UBE2E2: variants seen among roughly 807,000 people sequenced by gnomAD.
The protein encoded by UBE2E2 is ubiquitin-conjugating enzyme E2 E2.
Under a neutral mutation model 24.7 loss-of-function variants are expected in UBE2E2, and 6 were observed. The ratio of observed to expected loss-of-function variants is 0.24; its 90% CI spans 0.13 to 0.48. The LOEUF (loss-of-function observed/expected upper bound fraction) is 0.48, where lower values mean the gene tolerates loss of function less well. Ranked by LOEUF, UBE2E2 falls within the 20% of genes least tolerant of loss-of-function variation. The pLI is 0.99. For synonymous variants in UBE2E2, 104 were observed against 83.6 expected (o/e 1.24, Z -1.33); for missense variants, 169 against 245.0 (o/e 0.69, Z 2.07).
chr3:23,281,348 G>T (rs946072944), intron 3 of UBE2E2, among the ~76,000 whole-genome samples: 1 of 152,148 alleles, frequency 6.6e-6, no homozygotes, highest in Non-Finnish European at 1.5e-5. Flanking sequence ...AAGAAATAAC[G>T]TGGCTGGGCA....
chr3:23,223,335 G>T (rs1159628527), intron 3 of UBE2E2, among the ~76,000 whole-genome samples: 3 of 151,832 alleles, frequency 2.0e-5, no homozygotes, highest in African/African-American at 7.3e-5. Flanking sequence ...TGGGATTAGA[G>T]GCATGCACCA....
At chr3:23,556,959 G>A (rs527608043) in intron 5 of UBE2E2, among the ~76,000 whole-genome samples, 31 of 152,088 alleles carry the variant, frequency 2.0e-4, no homozygotes, top group Non-Finnish European at 4.1e-4. Context: ...TTTACCATAG[G>A]CTAATTGATC....
chr3:23,290,605 C>T (rs1372753832), intron 3 of UBE2E2, among the ~76,000 whole-genome samples: 1 of 151,852 alleles, frequency 6.6e-6, no homozygotes, highest in East Asian at 1.9e-4. Flanking sequence ...GGAGAACGTG[C>T]CCAGTTAAGG....
chr3:23,278,292 G>A (rs932044784), intron 3 of UBE2E2, among the ~76,000 whole-genome samples: 6 of 151,920 alleles, frequency 3.9e-5, no homozygotes, highest in Admixed American at 1.3e-4. Context: ...TAAGTACACC[G>A]TCATCTCTGA....
At chr3:23,381,953 C>T (rs1696680524) in intron 3 of UBE2E2, among the ~76,000 whole-genome samples, 1 of 152,142 alleles carries the variant, frequency 6.6e-6, no homozygotes, top group South Asian at 2.1e-4. Flanking sequence ...TCACAAAATT[C>T]TGTTAGTTGG....
intron 3 of UBE2E2, among the ~76,000 whole-genome samples, chr3:23,454,017 A>G (rs1053324187): frequency 6.6e-6 from 1 of 152,186 alleles, no homozygotes; most frequent in African/African-American, 2.4e-5. Context: ...ATTCTGAGAT[A>G]TTTGCATATT....
At chr3:23,507,716 G>A (rs1694488905) in intron 4 of UBE2E2, among the ~76,000 whole-genome samples, 1 of 152,094 alleles carries the variant, frequency 6.6e-6, no homozygotes, top group African/African-American at 2.4e-5. Flanking sequence ...ACTTGTTCCT[G>A]GATTATACAC....
At chr3:23,375,745 C>G (rs1696505234) in intron 3 of UBE2E2, among the ~76,000 whole-genome samples, 1 of 152,122 alleles carries the variant, frequency 6.6e-6, no homozygotes, top group African/African-American at 2.4e-5. Context: ...ATTAGGACAC[C>G]TTTGCTCTTG....
At chr3:23,507,349 GTTTA>G (rs1694480977) in intron 4 of UBE2E2, among the ~76,000 whole-genome samples, 1 of 152,058 alleles carries the variant, frequency 6.6e-6, no homozygotes, top group African/African-American at 2.4e-5. Context: ...ATATTTCTTT[GTTTA>G]TTTATTATGT....
At chr3:23,278,496 A>T (rs115761722) in intron 3 of UBE2E2, among the ~76,000 whole-genome samples, 201 of 152,276 alleles carry the variant, frequency 1.3e-3, no homozygotes, top group African/African-American at 4.4e-3. Flanking sequence ...AAGAGTAAAA[A>T]TATTACAGAT....
At chr3:23,408,474 G>A (rs1236942744) in intron 3 of UBE2E2, among the ~76,000 whole-genome samples, 1 of 152,176 alleles carries the variant, frequency 6.6e-6, no homozygotes, top group Non-Finnish European at 1.5e-5. Flanking sequence ...TCTCAGTAGA[G>A]AATGAGGAAT....
At chr3:23,375,092 C>T (rs998766310) in intron 3 of UBE2E2, among the ~76,000 whole-genome samples, 4 of 151,866 alleles carry the variant, frequency 2.6e-5, no homozygotes, top group African/African-American at 7.3e-5. Context: ...AAAAAAAAAT[C>T]AGAGAATGTG....
At chr3:23,459,501 A>G (rs928724454) in intron 3 of UBE2E2, among the ~76,000 whole-genome samples, 15 of 152,256 alleles carry the variant, frequency 9.9e-5, no homozygotes, top group African/African-American at 3.4e-4. Context: ...TAACAGGACC[A>G]TAATGTTTTT....
intron 5 of UBE2E2, among the ~76,000 whole-genome samples, chr3:23,561,760 T>C (rs1016455944): frequency 6.6e-6 from 1 of 152,210 alleles, no homozygotes; most frequent in African/African-American, 2.4e-5. Context: ...AGCAGTGGTT[T>C]GTGGTTCTCC....
intron 3 of UBE2E2, among the ~76,000 whole-genome samples, chr3:23,400,628 ACAC>A (rs1697200341): frequency 1.3e-5 from 2 of 151,754 alleles, no homozygotes; most frequent in African/African-American, 4.8e-5. Flanking sequence ...ACACACACAC[ACAC>A]ACACACACAC....
chr3:23,212,649 T>G (rs532872129), intron 2 of UBE2E2, among the ~76,000 whole-genome samples: 1 of 152,272 alleles, frequency 6.6e-6, no homozygotes, highest in East Asian at 1.9e-4. Flanking sequence ...TTGATTCCAC[T>G]GTATTCCAGT....
intron 2 of UBE2E2, among the ~76,000 whole-genome samples, chr3:23,216,773 C>T (rs961751373): frequency 2.0e-5 from 3 of 151,926 alleles, no homozygotes; most frequent in Non-Finnish European, 4.4e-5. Context: ...ACTTCAAAGT[C>T]CCAACCTGGT....
intron 3 of UBE2E2, among the ~76,000 whole-genome samples, chr3:23,422,744 C>G (rs1407176420): frequency 6.6e-6 from 1 of 152,188 alleles, no homozygotes; most frequent in African/African-American, 2.4e-5. Flanking sequence ...TTAGAGCAGA[C>G]TAGAAATAGA....
At chr3:23,409,897 C>CTG (rs1449030262) in intron 3 of UBE2E2, among the ~76,000 whole-genome samples, 3 of 152,154 alleles carry the variant, frequency 2.0e-5, no homozygotes, top group African/African-American at 7.2e-5. Context: ...TTTCCCTGTG[C>CTG]TGTGTGTCTC....
Sources: allele counts gnomAD v4.1 joint callset (sites outside exome capture counted in the v4.1 genomes callset), GRCh38; gene constraint gnomAD v4.1.1; transcripts MANE v1.5; gene names NCBI Gene and HGNC (gene_info 2026-07-23, HGNC 2026-07-21).